Variants in MYO18B observed in about 807,000 individuals in gnomAD.
MYO18B encodes myosin XVIIIB, also known as unconventional myosin-XVIIIb.
Under a neutral mutation model 273.0 loss-of-function variants are expected in MYO18B, and 204 were observed. The observed-to-expected ratio is 0.75, with a 90% confidence interval of 0.67 to 0.84. The LOEUF is 0.84. MYO18B is among the 40% of genes least tolerant of loss of function. MYO18B has a pLI of 0.00. For synonymous variants in MYO18B, 1,330 were observed against 1,305.7 expected (o/e 1.02, Z -0.40); for missense variants, 3,212 against 3,287.6 (o/e 0.98, Z 0.56).
At chr22:25,843,952 T>G in intron 18 of MYO18B, 58 bp downstream of exon 18, 1 of 1,521,918 alleles carries the variant, frequency 6.6e-7, no homozygotes. Flanking sequence ...GTGTTTTCCT[T>G]CCCACCTAAA....
At chr22:25,845,972 C>T (rs2146011866) in intron 18 of MYO18B, 128 bp from the exon 19 acceptor site, 1 of 787,472 alleles carries the variant, frequency 1.3e-6, no homozygotes, top group South Asian at 2.2e-5. Flanking sequence ...GGACACATGA[C>T]TGTAGAGGAG....
At chr22:25,770,792 A>T (rs905001053) in intron 5 of MYO18B, 80 bp from the exon 6 acceptor site, 2 of 1,019,296 alleles carry the variant, frequency 2.0e-6, no homozygotes, top group Non-Finnish European at 3.0e-6. Flanking sequence ...AGCCTCTCTT[A>T]TCTCCTGCCC....
intron 39 of MYO18B, among the ~76,000 whole-genome samples, chr22:25,974,786 A>G (rs539894533): frequency 4.0e-4 from 61 of 152,308 alleles, no homozygotes; most frequent in Admixed American, 7.2e-4. Flanking sequence ...GACCTCTCCT[A>G]TGGTTCCAAA....
the MYO18B span, among the ~76,000 whole-genome samples, chr22:26,041,056 C>T: frequency 6.6e-6 from 1 of 152,170 alleles, no homozygotes; most frequent in African/African-American, 2.4e-5. Flanking sequence ...TTGTCCAACC[C>T]ACGGTCCGTG....
At chr22:25,901,133 C>T (rs1234568092) in intron 29 of MYO18B, 2 of 152,216 alleles carry the variant, frequency 1.3e-5, no homozygotes, top group African/African-American at 4.8e-5. Context: ...TCAGAAAGCT[C>T]CTGAGCTGTT....
intron 20 of MYO18B, among the ~76,000 whole-genome samples, 189 bp from the exon 21 acceptor site, chr22:25,851,281 G>A (rs1360933554): frequency 6.6e-6 from 1 of 152,174 alleles, no homozygotes; most frequent in East Asian, 1.9e-4. Flanking sequence ...TCTGGGAAGT[G>A]CCAATCAAAT....
the MYO18B span, among the ~76,000 whole-genome samples, chr22:26,041,352 C>CAAAAAAAAA: frequency 1.8e-4 from 11 of 62,180 alleles, no homozygotes; most frequent in African/African-American, 5.3e-4. Flanking sequence ...CTGTCTCTAC[C>CAAAAAAAAA]AAAAAAAAAA....
At chr22:26,038,807 C>G in the MYO18B span, among the ~76,000 whole-genome samples, 1 of 152,306 alleles carries the variant, frequency 6.6e-6, no homozygotes, top group African/African-American at 2.4e-5. Context: ...TTCCTTCTCC[C>G]CTTAGTCTCT....
At chr22:25,824,353 T>C (rs2089407712) in intron 13 of MYO18B, among the ~76,000 whole-genome samples, 1 of 152,020 alleles carries the variant, frequency 6.6e-6, no homozygotes, top group Non-Finnish European at 1.5e-5. Context: ...GCTGAGGTGA[T>C]AGCATGGGCC....
At chr22:25,950,575 GTTTA>G (rs938697971) in intron 37 of MYO18B, 125 bp downstream of exon 37, 17 of 422,180 alleles carry the variant, frequency 4.0e-5, no homozygotes, top group Admixed American at 2.4e-4. Context: ...TTGTTTATTT[GTTTA>G]TTTATTTTTG....
At chr22:26,041,636 C>G in the MYO18B span, among the ~76,000 whole-genome samples, 1 of 152,166 alleles carries the variant, frequency 6.6e-6, no homozygotes, top group Non-Finnish European at 1.5e-5. Context: ...TTTTGCTGAT[C>G]TCTCTGGTTG....
intron 13 of MYO18B, among the ~76,000 whole-genome samples, chr22:25,824,304 G>T (rs1428070645): frequency 1.3e-5 from 2 of 152,118 alleles, no homozygotes; most frequent in Non-Finnish European, 2.9e-5. Flanking sequence ...TGCTAGTGGA[G>T]ACGGGGCGAG....
chr22:25,923,393 C>T (rs1262261076), intron 34 of MYO18B, among the ~76,000 whole-genome samples: 1 of 152,214 alleles, frequency 6.6e-6, no homozygotes, highest in African/African-American at 2.4e-5. Context: ...TGTCAGGAAG[C>T]CAGTATCACC....
chr22:25,921,420 C>T lies in MYO18B; in HGVS notation c.5517+11C>T, dbSNP rs374152999. 1.0e-4 allele frequency: 160 copies of T among 1,597,534 alleles called. No homozygotes were observed. In the Middle Eastern group the frequency reaches 1.7e-3, roughly 17 times the overall value. ...AAAGTGCACAGCCAGGTGGGTGTCA[C>T]GGGATCCCCTTGAGAATCAGGCTGG... is the stretch of plus-strand genomic sequence containing the variant. On this transcript the variant is annotated intron_variant, in intron 34 of 43. Coordinates refer to ENST00000335473, the MANE Select transcript of MYO18B (RefSeq NM_032608.7).
chr22:25,924,021 C>T (rs745400603), intron 34 of MYO18B, among the ~76,000 whole-genome samples: 3 of 152,144 alleles, frequency 2.0e-5, no homozygotes, highest in Admixed American at 6.5e-5. Context: ...TCTCTGCATC[C>T]GGCTCCTATC....
Position 25,814,294 on chromosome 22 carries a change from C to CTTTTTTTTTTT in MYO18B, c.2522-9178_2522-9168dup, listed in dbSNP as rs398036691. On this transcript the variant is annotated intron_variant, in intron 12 of 43. Coordinates refer to ENST00000335473, the MANE Select transcript of MYO18B (RefSeq NM_032608.7). ...GCTTGCCATGCTCCCAGGCACCGTT[C>CTTTTTTTTTTT]TTTTTTTTTTTTTTTTTTTTTTTTT... 8.2e-4 allele frequency among the ~76,000 whole-genome samples: 49 copies of CTTTTTTTTTTT among 59,494 alleles called. 2 individuals are homozygous for CTTTTTTTTTTT. Among genetic ancestry groups the CTTTTTTTTTTT allele is most frequent in the Non-Finnish European group, 1.4e-3 (42 of 30,814 alleles). The allele number at this position is 59,494 out of a possible 152,430, so 39.0% of individuals were successfully genotyped here.
intron 11 of MYO18B, among the ~76,000 whole-genome samples, chr22:25,791,704 C>A (rs2087668957): frequency 6.6e-6 from 1 of 152,090 alleles, no homozygotes; most frequent in Non-Finnish European, 1.5e-5. Context: ...AGGCCTTGGC[C>A]CGAGGCACAT....
chr22:25,899,608 G>T (rs949053500), intron 29 of MYO18B: 1 of 152,196 alleles, frequency 6.6e-6, no homozygotes, highest in Admixed American at 6.5e-5. Flanking sequence ...TTGGGGGATT[G>T]TTAGCGTGCT....
At chr22:25,842,644 C>A (rs1453963981) in intron 17 of MYO18B, among the ~76,000 whole-genome samples, 1 of 145,258 alleles carries the variant, frequency 6.9e-6, no homozygotes, top group Admixed American at 6.8e-5. Flanking sequence ...TGCACTCCAG[C>A]CTGGGTGACA....
Sources: gnomAD v4.1 joint callset for allele counts (sites outside exome capture counted in the v4.1 genomes callset) on GRCh38, gnomAD v4.1.1 for gene constraint, MANE v1.5 for transcripts, NCBI Gene and HGNC (gene_info 2026-07-23, HGNC 2026-07-21) for gene names.